The following PCSK2 variants were observed in gnomAD, a reference collection of about 807,000 sequenced individuals.
The protein encoded by PCSK2 is neuroendocrine convertase 2.
PCSK2 carries 14 observed loss-of-function variants against 69.7 expected under a neutral mutation model. The ratio of observed to expected loss-of-function variants is 0.20; its 90% CI spans 0.13 to 0.31. The LOEUF (loss-of-function observed/expected upper bound fraction) is 0.31, where lower values mean the gene tolerates loss of function less well. Ranked by LOEUF, PCSK2 falls within the 10% of genes least tolerant of loss-of-function variation. The pLI, the probability that PCSK2 is intolerant of heterozygous loss-of-function variation, is 1.00. For synonymous variants in PCSK2, 307 were observed against 320.7 expected, an observed-to-expected ratio of 0.96 and a Z score of 0.46; for missense variants, 544 against 842.5, an observed-to-expected ratio of 0.65 and a Z score of 4.39.
chr20:17,378,610 T>C (rs1013912243), intron 5 of PCSK2, among the ~76,000 whole-genome samples: 5 of 144,526 alleles, frequency 3.5e-5, no homozygotes, highest in African/African-American at 5.2e-5. Flanking sequence ...GATGGATGGA[T>C]GGATGGATGG....
chr20:17,227,523 G>C lies in PCSK2; in HGVS notation c.177+41G>C, dbSNP rs763225431. ...CATTTCGCATGTTGTTTCAAAACGGGGGGACGGGGGGGCAGCCCTGCGCAA... is the reference window on the plus strand; with the variant it reads ...CATTTCGCATGTTGTTTCAAAACGGCGGGACGGGGGGGCAGCCCTGCGCAA... On this transcript the variant is annotated intron_variant, in intron 1 of 11. Transcript: ENST00000262545. 9 of 1,510,668 alleles carry C rather than the reference G, an allele frequency of 6.0e-6. No individual in the cohort carries two copies. In the South Asian group the frequency reaches 1.0e-4, roughly 17 times the overall value. 93.6% of individuals were successfully genotyped at this position (1,510,668 alleles called of 1,614,324 possible). A position where few individuals can be genotyped will look rare whatever the true frequency, so the allele number is the denominator to read the frequency against.
intron 2 of PCSK2, among the ~76,000 whole-genome samples, chr20:17,325,084 A>G (rs1990000883): frequency 6.6e-6 from 1 of 152,108 alleles, no homozygotes; most frequent in Admixed American, 6.5e-5. Flanking sequence ...AACATGTCAG[A>G]TCCCCCACAA....
At chr20:17,310,775 A>G (rs1262838773) in intron 2 of PCSK2, among the ~76,000 whole-genome samples, 1 of 151,434 alleles carries the variant, frequency 6.6e-6, no homozygotes, top group Non-Finnish European at 1.5e-5. Context: ...GTGGATCACG[A>G]GGTCGGGAGT....
At chr20:17,440,317 C>T (rs966122726) in intron 8 of PCSK2, among the ~76,000 whole-genome samples, 4 of 152,188 alleles carry the variant, frequency 2.6e-5, no homozygotes, top group Non-Finnish European at 2.9e-5. Flanking sequence ...TGTTGCTCTA[C>T]GTGATCTTGA....
intron 2 of PCSK2, among the ~76,000 whole-genome samples, chr20:17,334,669 A>G (rs558492037): frequency 6.6e-6 from 1 of 152,288 alleles, no homozygotes; most frequent in South Asian, 2.1e-4. Flanking sequence ...GTGGAGAACA[A>G]CACCTGGAAG....
intron 2 of PCSK2, among the ~76,000 whole-genome samples, chr20:17,283,071 G>T (rs937379563): frequency 6.6e-6 from 1 of 152,080 alleles, no homozygotes; most frequent in Non-Finnish European, 1.5e-5. Context: ...AACACCTTTG[G>T]TAGGTCATGC....
chr20:17,305,587 T>A (rs890324962), intron 2 of PCSK2, among the ~76,000 whole-genome samples: 3 of 152,226 alleles, frequency 2.0e-5, no homozygotes, highest in African/African-American at 7.2e-5. Context: ...TTTTCTCATC[T>A]TTAAAATGGG....
intron 11 of PCSK2, among the ~76,000 whole-genome samples, chr20:17,467,865 C>G (rs1284580631): frequency 6.6e-6 from 1 of 152,236 alleles, no homozygotes; most frequent in East Asian, 1.9e-4. Flanking sequence ...GTGAACACTT[C>G]TAGCTTACAC....
rs984082672 is a variant in PCSK2 at position 17,330,249 on chromosome 20, C to A, written c.283-28078C>A. 9.1e-4 allele frequency among the ~76,000 whole-genome samples: 138 copies of A among 152,212 alleles called. 1 individual carries two copies. The highest frequency in any genetic ancestry group is 3.2e-3 in the African/African-American group (134 of 41,516). ...AGTGACTACCTATGGGACAATACAG[C>A]TCTAGACCTTCCTTTCTATGTGAGA... On this transcript the variant is annotated intron_variant, in intron 2 of 11. Transcript: ENST00000262545.
chr20:17,256,854 G>C (rs1268780145), intron 1 of PCSK2, among the ~76,000 whole-genome samples: 2 of 152,018 alleles, frequency 1.3e-5, no homozygotes, highest in South Asian at 2.1e-4. Flanking sequence ...TCCCACTTAT[G>C]AGTAAAAACA....
At position 17,227,427 on chromosome 20, in the gene PCSK2, G is replaced by A. The variant is rs143669642; in HGVS notation, c.122G>A (p.Gly41Glu). ...TNHFLVELHK[G>E]GEDKARQVAA... ...CATTTTCTTGTGGAGTTGCATAAAG[G>A]GGGAGAGGACAAAGCTCGCCAAGTT... Residue 41 changes from glycine (G) to glutamate (E), a missense_variant, in exon 1 of 12, where the codon GGG (glycine) becomes GAG (glutamate). Around this residue, in one of 3 missense-constraint regions of PCSK2, gnomAD observed 157 missense variants for 155.0 expected, o/e 1.01. Transcript: ENST00000262545. 6.2e-7 allele frequency: 1 copy of A among 1,613,858 alleles called. No homozygotes were observed. The highest frequency in any genetic ancestry group is 2.2e-5 in the East Asian group (1 of 44,854).
intron 2 of PCSK2, among the ~76,000 whole-genome samples, chr20:17,351,236 T>C (rs2029975722): frequency 6.6e-6 from 1 of 152,032 alleles, no homozygotes; most frequent in Admixed American, 6.5e-5. Flanking sequence ...GGTTCAAAAG[T>C]TGAACTGGAA....
intron 5 of PCSK2, among the ~76,000 whole-genome samples, chr20:17,400,629 TAA>T (rs1445893751): frequency 1.3e-5 from 2 of 152,146 alleles, no homozygotes; most frequent in Non-Finnish European, 2.9e-5. Context: ...TAATTAAAAC[TAA>T]GTCTTCCTTC....
At position 17,337,348 on chromosome 20, in the gene PCSK2, G is replaced by A. The variant is rs553350651; in HGVS notation, c.283-20979G>A. Among the ~76,000 whole-genome samples, 3 of 152,142 alleles carry A rather than the reference G, an allele frequency of 2.0e-5. No individual in the cohort carries two copies. In the South Asian group the frequency reaches 6.2e-4, roughly 32 times the overall value. On this transcript the variant is annotated intron_variant, in intron 2 of 11. Coordinates refer to ENST00000262545, the MANE Select transcript of PCSK2 (RefSeq NM_002594.5). ...ACAGAATATGACGAAAACCACAGTG[G>A]GGCATTCTTGGGCTTGCTTTTCAGT...
intron 2 of PCSK2, among the ~76,000 whole-genome samples, chr20:17,351,507 A>T (rs572520071): frequency 2.0e-5 from 3 of 152,360 alleles, no homozygotes; most frequent in Admixed American, 6.5e-5. Flanking sequence ...CACCACAATT[A>T]AAAAGGCTTT....
intron 5 of PCSK2, among the ~76,000 whole-genome samples, chr20:17,404,666 G>C (rs1331816898): frequency 1.3e-5 from 2 of 152,212 alleles, no homozygotes. Context: ...GCCCAGGAGA[G>C]AACGAGGTAT....
chr20:17,295,552 ATT>A (rs1491475645), intron 2 of PCSK2, among the ~76,000 whole-genome samples: 7 of 146,040 alleles, frequency 4.8e-5, no homozygotes, highest in African/African-American at 1.5e-4. Context: ...TATTATATAT[ATT>A]TATTTATTTA....
chr20:17,395,933 G>T (rs945485412), intron 5 of PCSK2, among the ~76,000 whole-genome samples: 15 of 152,144 alleles, frequency 9.9e-5, no homozygotes, highest in Admixed American at 9.8e-4. Flanking sequence ...GTCTCAGGGG[G>T]AGGGCTATAA....
intron 10 of PCSK2, among the ~76,000 whole-genome samples, chr20:17,460,130 T>C (rs896283092): frequency 3.9e-5 from 6 of 152,184 alleles, no homozygotes; most frequent in African/African-American, 9.7e-5. Context: ...GCCACTTTCA[T>C]GTTCTCTAGA....
Sources: allele counts gnomAD v4.1 joint callset (sites outside exome capture counted in the v4.1 genomes callset), GRCh38; gene constraint gnomAD v4.1.1; regional missense constraint gnomAD v4.1.1; transcripts MANE v1.5; gene names NCBI Gene and HGNC (gene_info 2026-07-23, HGNC 2026-07-21).